The following CLVS1 variants were observed in gnomAD, a reference collection of about 807,000 sequenced individuals.
CLVS1 encodes the protein clavesin 1.
CLVS1 carries 10 observed loss-of-function variants against 33.1 expected under a neutral mutation model. The observed-to-expected ratio is 0.30, with a 90% CI of 0.19 to 0.51. The LOEUF is 0.51. Among genes scored for constraint, CLVS1 ranks in the 20% least tolerant of loss-of-function variants. CLVS1 has a pLI of 0.97. For synonymous variants in CLVS1, 163 were observed against 166.1 expected (o/e 0.98, Z 0.14); for missense variants, 343 against 433.4 (o/e 0.79, Z 1.85).
intron 2 of CLVS1, chr8:61,202,547 A>C: frequency 8.6e-7 from 1 of 1,156,240 alleles, no homozygotes; most frequent in Admixed American, 1.7e-5. Context: ...GAGGCAATGA[A>C]TTACGAAGGC....
At chr8:61,473,455 T>G (rs1394443383) in intron 5 of CLVS1, among the ~76,000 whole-genome samples, 5 of 151,472 alleles carry the variant, frequency 3.3e-5, no homozygotes, top group African/African-American at 1.2e-4. Context: ...AGGGCAGATA[T>G]GAATATCGGA....
chr8:61,330,643 C>A (rs1458137377), intron 2 of CLVS1, among the ~76,000 whole-genome samples: 1 of 152,188 alleles, frequency 6.6e-6, no homozygotes, highest in Non-Finnish European at 1.5e-5. Context: ...AATCCACCAG[C>A]CCTGCTGTAC....
intron 2 of CLVS1, among the ~76,000 whole-genome samples, chr8:61,207,381 A>AGGGATGTGCAGTGGTGCATGGGCTCCAG (rs1807876600): frequency 6.6e-6 from 1 of 151,990 alleles, no homozygotes; most frequent in African/African-American, 2.4e-5. Context: ...CATGGGTTCC[A>AGGGATGTGCAGTGGTGCATGGGCTCCAG]GGGATGTGCA....
Position 61,439,751 on chromosome 8 carries a change from GATA to G in CLVS1, c.631-14387_631-14385del, listed in dbSNP as rs140623643. Among the ~76,000 whole-genome samples, 592 of 152,176 alleles carry G rather than the reference GATA, an allele frequency of 3.9e-3. 2 individuals carry two copies. Among genetic ancestry groups the G allele is most frequent in the African/African-American group, 0.013 (538 of 41,500 alleles). ...GAAATTTGACAGGTTTGTACCATGA[GATA>G]ATTTTTCACCTATCACTTCCCTCTC... On this transcript the variant is annotated intron_variant, in intron 3 of 5. Coordinates refer to ENST00000325897, the MANE Select transcript of CLVS1 (RefSeq NM_173519.3).
intron 2 of CLVS1, among the ~76,000 whole-genome samples, chr8:61,161,565 C>T (rs1216533015): frequency 6.6e-6 from 1 of 152,164 alleles, no homozygotes; most frequent in East Asian, 1.9e-4. Flanking sequence ...ACAAATACTA[C>T]AGGACCTCAC....
intron 1 of CLVS1, among the ~76,000 whole-genome samples, chr8:61,110,284 A>C (rs775263293): frequency 2.6e-5 from 4 of 152,264 alleles, no homozygotes; most frequent in Admixed American, 2.6e-4. Flanking sequence ...CTGACAACCC[A>C]GGCTGTAGCT....
intron 3 of CLVS1, among the ~76,000 whole-genome samples, chr8:61,404,008 G>A (rs1180873313): frequency 6.6e-6 from 1 of 152,164 alleles, no homozygotes; most frequent in African/African-American, 2.4e-5. Flanking sequence ...ATGAATAATC[G>A]AAGCAAGACC....
At chr8:61,255,259 T>C (rs1809053052) in intron 2 of CLVS1, among the ~76,000 whole-genome samples, 2 of 152,082 alleles carry the variant, frequency 1.3e-5, no homozygotes, top group African/African-American at 4.8e-5. Context: ...GTGCTTGAGG[T>C]GGCCTGACTG....
intron 2 of CLVS1, among the ~76,000 whole-genome samples, chr8:61,190,535 G>A (rs1451958653): frequency 6.6e-6 from 1 of 152,142 alleles, no homozygotes; most frequent in Non-Finnish European, 1.5e-5. Context: ...GAGGAGAACT[G>A]AAGGAGTTGG....
the CLVS1 span, among the ~76,000 whole-genome samples, chr8:61,031,754 G>C: frequency 1.3e-5 from 2 of 152,208 alleles, no homozygotes; most frequent in African/African-American, 4.8e-5. Flanking sequence ...AAGGCGATGA[G>C]TGGCTTTTAC....
intron 2 of CLVS1, among the ~76,000 whole-genome samples, chr8:61,259,861 G>A (rs1206694504): frequency 6.6e-6 from 1 of 152,224 alleles, no homozygotes; most frequent in Non-Finnish European, 1.5e-5. Context: ...CCTGCATGCA[G>A]AGGGTACTCA....
intron 5 of CLVS1, among the ~76,000 whole-genome samples, chr8:61,487,285 G>A (rs1803920279): frequency 2.0e-5 from 3 of 152,052 alleles, no homozygotes; most frequent in Admixed American, 1.3e-4. Flanking sequence ...CAAGTTTTGA[G>A]AATTTAAATA....
At chr8:61,100,532 C>T (rs1435179471) in intron 1 of CLVS1, among the ~76,000 whole-genome samples, 1 of 152,136 alleles carries the variant, frequency 6.6e-6, no homozygotes, top group Non-Finnish European at 1.5e-5. Flanking sequence ...AAAAATTGTT[C>T]TTCCCTTCTT....
intron 3 of CLVS1, among the ~76,000 whole-genome samples, chr8:61,413,600 TTA>T (rs1408421328): frequency 6.6e-6 from 1 of 152,164 alleles, no homozygotes; most frequent in East Asian, 1.9e-4. Flanking sequence ...AGCATGCAGT[TTA>T]TATAGTATTT....
At position 61,348,147 on chromosome 8, in the gene CLVS1, T is replaced by C. The variant is rs147439991; in HGVS notation, c.456-28458T>C. On this transcript the variant is annotated intron_variant, in intron 2 of 5. Coordinates refer to ENST00000325897, the MANE Select transcript of CLVS1 (RefSeq NM_173519.3). ...TTGTCCCCAAATCCCTGGTTTCCAC[T>C]ATATTACTCTCTGCTTCCATGAGTT... Among the ~76,000 whole-genome samples, 479 of 152,168 alleles carry C rather than the reference T, an allele frequency of 3.1e-3. 2 individuals carry two copies. Among genetic ancestry groups the C allele is most frequent in the African/African-American group, 0.011 (436 of 41,524 alleles).
At chr8:61,273,082 T>C (rs1299267116) in intron 2 of CLVS1, among the ~76,000 whole-genome samples, 3 of 151,044 alleles carry the variant, frequency 2.0e-5, no homozygotes, top group African/African-American at 7.4e-5. Flanking sequence ...TTTTAGAGTT[T>C]CCAGTTTTTC....
intron 2 of CLVS1, among the ~76,000 whole-genome samples, chr8:61,188,861 G>A (rs998084869): frequency 1.3e-5 from 2 of 151,898 alleles, no homozygotes; most frequent in African/African-American, 2.4e-5. Flanking sequence ...AAGAAGAAAA[G>A]GAATGGGATA....
At chr8:61,172,678 T>G (rs547763412) in intron 2 of CLVS1, among the ~76,000 whole-genome samples, 2 of 152,296 alleles carry the variant, frequency 1.3e-5, no homozygotes, top group East Asian at 1.9e-4. Flanking sequence ...ATCTTTAAAA[T>G]GTGCAATGTC....
At chr8:61,243,914 T>C (rs746621563) in intron 2 of CLVS1, among the ~76,000 whole-genome samples, 28 of 152,232 alleles carry the variant, frequency 1.8e-4, no homozygotes, top group Non-Finnish European at 3.4e-4. Context: ...ACTTTACTCA[T>C]ACATTTTTAA....
Sources: allele counts gnomAD v4.1 joint callset (sites outside exome capture counted in the v4.1 genomes callset), GRCh38; gene constraint gnomAD v4.1.1; transcripts MANE v1.5; gene names NCBI Gene and HGNC (gene_info 2026-07-23, HGNC 2026-07-21).